The following PPARGC1A variants were observed in gnomAD, a reference collection of about 807,000 sequenced individuals.
PPARGC1A encodes the protein PPARG coactivator 1 alpha.
In PPARGC1A, 25 loss-of-function variants were observed where a neutral mutation model predicts 88.7. The observed-to-expected ratio is 0.28, with a 90% CI of 0.21 to 0.39. PPARGC1A has a LOEUF of 0.39. Ranked by LOEUF, PPARGC1A falls within the 10% of genes least tolerant of loss-of-function variation. The pLI, the probability that PPARGC1A is intolerant of heterozygous loss-of-function variation, is 1.00. For synonymous variants in PPARGC1A, 363 were observed against 355.6 expected (o/e 1.02, Z -0.24); for missense variants, 880 against 968.7 (o/e 0.91, Z 1.22).
At chr4:23,812,493 CAG>C (rs962721557) in intron 10 of PPARGC1A, among the ~76,000 whole-genome samples, 10 of 152,070 alleles carry the variant, frequency 6.6e-5, no homozygotes, top group Admixed American at 5.9e-4. Context: ...TTTTTCAAAA[CAG>C]AAGGTGAAAA....
At chr4:24,426,818 A>C in the PPARGC1A span, among the ~76,000 whole-genome samples, 1 of 152,230 alleles carries the variant, frequency 6.6e-6, no homozygotes, top group African/African-American at 2.4e-5. Flanking sequence ...CCTTAGGGCA[A>C]TAGTTCTATA....
chr4:24,180,162 T>A, the PPARGC1A span, among the ~76,000 whole-genome samples: 1 of 152,200 alleles, frequency 6.6e-6, no homozygotes, highest in Non-Finnish European at 1.5e-5. Context: ...ATGTATAACA[T>A]TACATTTTTA....
intron 2 of PPARGC1A, among the ~76,000 whole-genome samples, chr4:23,860,517 C>G (rs1462778636): frequency 6.6e-6 from 1 of 152,074 alleles, no homozygotes; most frequent in Non-Finnish European, 1.5e-5. Flanking sequence ...ATTTGCTTGG[C>G]TACGGTAATC....
the PPARGC1A span, among the ~76,000 whole-genome samples, chr4:24,026,707 C>T: frequency 3.9e-5 from 6 of 152,242 alleles, no homozygotes; most frequent in African/African-American, 1.4e-4. Flanking sequence ...CCACTCTGAA[C>T]CTTGGAGTGT....
the PPARGC1A span, among the ~76,000 whole-genome samples, chr4:24,298,278 G>A: frequency 6.6e-6 from 1 of 152,096 alleles, no homozygotes; most frequent in African/African-American, 2.4e-5. Context: ...AGTGGCTTCA[G>A]GCTCAGACTC....
At chr4:23,987,684 T>C in the PPARGC1A span, among the ~76,000 whole-genome samples, 4 of 151,996 alleles carry the variant, frequency 2.6e-5, no homozygotes, top group African/African-American at 9.7e-5. Context: ...TTATGTTACC[T>C]CCGACCTGTC....
chr4:24,433,504 A>G, the PPARGC1A span, among the ~76,000 whole-genome samples: 3 of 152,212 alleles, frequency 2.0e-5, no homozygotes, highest in Non-Finnish European at 4.4e-5. Context: ...AATTATCATT[A>G]TCTGCAGGAG....
At chr4:23,820,839 A>C (rs1198640545) in intron 7 of PPARGC1A, among the ~76,000 whole-genome samples, 1 of 152,100 alleles carries the variant, frequency 6.6e-6, no homozygotes, top group Admixed American at 6.6e-5. Flanking sequence ...CCACTTAAAC[A>C]TTTGGAAAAT....
At chr4:24,454,057 T>C in the PPARGC1A span, among the ~76,000 whole-genome samples, 1 of 151,970 alleles carries the variant, frequency 6.6e-6, no homozygotes, top group Admixed American at 6.6e-5. Flanking sequence ...TCTTGATCAC[T>C]ACTATTGAAT....
At chr4:24,405,776 G>A in the PPARGC1A span, among the ~76,000 whole-genome samples, 1 of 152,200 alleles carries the variant, frequency 6.6e-6, no homozygotes, top group South Asian at 2.1e-4. Context: ...TTCCAACAAT[G>A]ATTTATTCAA....
chr4:24,344,903 G>A, the PPARGC1A span, among the ~76,000 whole-genome samples: 1 of 152,190 alleles, frequency 6.6e-6, no homozygotes, highest in South Asian at 2.1e-4. Flanking sequence ...GGTTTAAGTT[G>A]TTAATCCATC....
At chr4:24,472,027 G>A in the PPARGC1A span, among the ~76,000 whole-genome samples, 4 of 152,196 alleles carry the variant, frequency 2.6e-5, no homozygotes, top group Non-Finnish European at 5.9e-5. This position sits in a 1 kb window ranked among gnomAD's most constrained non-coding sequence, Gnocchi z 4.5. Context: ...CGGCGACTTG[G>A]GGAAGGTTGC....
At chr4:24,213,116 C>T in the PPARGC1A span, among the ~76,000 whole-genome samples, 2 of 151,742 alleles carry the variant, frequency 1.3e-5, no homozygotes, top group East Asian at 3.9e-4. Context: ...ACAGGCCCTA[C>T]TCCATCGCCC....
chr4:24,026,661 T>A, the PPARGC1A span, among the ~76,000 whole-genome samples: 1 of 152,150 alleles, frequency 6.6e-6, no homozygotes, highest in African/African-American at 2.4e-5. Context: ...TGGCAAGTTT[T>A]TAGACACACG....
chr4:23,918,573 G>A, the PPARGC1A span, among the ~76,000 whole-genome samples: 1 of 152,212 alleles, frequency 6.6e-6, no homozygotes, highest in Admixed American at 6.5e-5. Flanking sequence ...GTCTCTTAAT[G>A]AGACATCATG....
the PPARGC1A span, among the ~76,000 whole-genome samples, chr4:24,013,133 T>A: frequency 2.0e-5 from 3 of 152,172 alleles, no homozygotes; most frequent in African/African-American, 7.2e-5. Flanking sequence ...GCTGTGGATG[T>A]GGCAGAGAAT....
chr4:24,390,382 ATATTTT>A, the PPARGC1A span, among the ~76,000 whole-genome samples: 5 of 152,096 alleles, frequency 3.3e-5, no homozygotes, highest in African/African-American at 1.2e-4. Flanking sequence ...TTAAATAGTT[ATATTTT>A]TATTAGTTTT....
At chr4:23,861,996 A>G (rs991731560) in intron 2 of PPARGC1A, among the ~76,000 whole-genome samples, 2 of 152,204 alleles carry the variant, frequency 1.3e-5, no homozygotes, top group Non-Finnish European at 2.9e-5. Flanking sequence ...ACCAAATGCC[A>G]GCAAAAATCT....
the PPARGC1A span, among the ~76,000 whole-genome samples, chr4:24,290,679 C>G: frequency 6.6e-6 from 1 of 152,130 alleles, no homozygotes; most frequent in Admixed American, 6.5e-5. Context: ...TCCTGTATCT[C>G]TAGCTCATAG....
Sources: gnomAD v4.1 joint callset for allele counts (sites outside exome capture counted in the v4.1 genomes callset) on GRCh38, gnomAD v4.1.1 for gene constraint, Gnocchi (gnomAD v3.1) non-coding constraint, MANE v1.5 for transcripts, NCBI Gene and HGNC (gene_info 2026-07-23, HGNC 2026-07-21) for gene names.